The following ADGB variants were observed in gnomAD, a reference collection of about 807,000 sequenced individuals.
ADGB encodes calpain-7-like protein.
In ADGB, 172 loss-of-function variants were observed where a neutral mutation model predicts 210.5. The observed-to-expected ratio is 0.82, with a 90% CI of 0.72 to 0.93. The LOEUF is 0.93. Among genes scored for constraint, ADGB ranks in the 40% least tolerant of loss-of-function variants. The pLI is 0.00. For missense variants in ADGB, 2,025 were observed against 1,964.8 expected (o/e 1.03, Z -0.58); for synonymous variants, 658 against 662.7 (o/e 0.99, Z 0.11).
intron 10 of ADGB, among the ~76,000 whole-genome samples, chr6:146,686,101 A>G (rs1374362179): frequency 3.3e-5 from 5 of 152,096 alleles, no homozygotes; most frequent in African/African-American, 9.7e-5. Context: ...TCCTTCTGTT[A>G]TAATCAAAAA....
In ADGB at chr6:146,671,609, AT is replaced by A. The variant is rs1314413612; in HGVS notation, c.840-608del. ...AACTAATGATTTAGAGGTGACACACATTTATGGATAAACTCAAAATATGAGG... is the reference window on the plus strand; with the variant it reads ...AACTAATGATTTAGAGGTGACACACATTATGGATAAACTCAAAATATGAGG... On this transcript the variant is annotated intron_variant, in intron 7 of 35. Coordinates refer to ENST00000397944, the MANE Select transcript of ADGB (RefSeq NM_024694.4). Among the ~76,000 whole-genome samples, 4 of 152,318 alleles carry A rather than the reference AT, an allele frequency of 2.6e-5. No individual in the cohort carries two copies. The East Asian group carries it at 7.7e-4, about 29-fold the overall frequency.
At position 146,652,110 on chromosome 6, in the gene ADGB, C is replaced by T. The variant is rs571484483; in HGVS notation, c.331-2025C>T. On this transcript the variant is annotated intron_variant, in intron 3 of 35. Transcript: ENST00000397944. The stretch of plus-strand genomic sequence containing the variant: ...CTGAAGATTTATCCTGTCCCGGGTA[C>T]AGGTATAGGCAGTAAAAGTGTGAAA... Among the ~76,000 whole-genome samples, 5 of 152,228 alleles carry T rather than the reference C, an allele frequency of 3.3e-5. No individual in the cohort carries two copies. In the East Asian group the frequency reaches 7.7e-4, roughly 24 times the overall value.
chr6:146,716,816 C>A, intron 14 of ADGB, 67 bp from the exon 15 acceptor site: 2 of 1,378,604 alleles, frequency 1.5e-6, no homozygotes, highest in Non-Finnish European at 1.9e-6. Flanking sequence ...TTCCCTTTAT[C>A]ATTTTACATA....
intron 1 of ADGB, among the ~76,000 whole-genome samples, chr6:146,599,322 C>G (rs59653284): frequency 6.6e-6 from 1 of 152,194 alleles, no homozygotes; most frequent in Non-Finnish European, 1.5e-5. Flanking sequence ...TTTCCCAGAG[C>G]CCCTGATTTT....
intron 33 of ADGB, among the ~76,000 whole-genome samples, chr6:146,797,246 G>T (rs1397753962): frequency 6.6e-6 from 1 of 152,170 alleles, no homozygotes; most frequent in Non-Finnish European, 1.5e-5. Flanking sequence ...TATACTGCTG[G>T]TAGGAATGTA....
rs1320236486 is a variant in ADGB, at chr6:146,716,882, G to A, written c.1742-1G>A. ...ATGTGTTTGACATGTGTGTCTTCTAGGCACAGATGAACAAACAGACTTTGG... is the reference window on the plus strand; with the variant it reads ...ATGTGTTTGACATGTGTGTCTTCTAAGCACAGATGAACAAACAGACTTTGG... On this transcript the variant is annotated splice_acceptor_variant, in intron 14 of 35. Transcript: ENST00000397944. LOFTEE classifies it high-confidence loss of function. 6.5e-7 allele frequency: 1 copy of A among 1,545,650 alleles called. No homozygotes were observed. The highest frequency in any genetic ancestry group is 1.2e-5 in the South Asian group (1 of 82,950).
chr6:146,687,525 T>C (rs1325119178), intron 10 of ADGB, among the ~76,000 whole-genome samples: 1 of 152,058 alleles, frequency 6.6e-6, no homozygotes, highest in African/African-American at 2.4e-5. Context: ...GCCATTATCC[T>C]CAGCAAACTA....
intron 1 of ADGB, among the ~76,000 whole-genome samples, chr6:146,600,520 C>T (rs368780787): frequency 1.6e-4 from 25 of 152,290 alleles, no homozygotes; most frequent in African/African-American, 5.8e-4. Flanking sequence ...CTCTCCCTTC[C>T]TTCAGGAGTT....
chr6:146,637,957 T>C (rs1438345351), intron 2 of ADGB, among the ~76,000 whole-genome samples: 1 of 151,922 alleles, frequency 6.6e-6, no homozygotes, highest in Non-Finnish European at 1.5e-5. Flanking sequence ...CAGGCCACTA[T>C]CATCGATGAA....
At chr6:146,706,895 T>A (rs1373989398) in intron 13 of ADGB, among the ~76,000 whole-genome samples, 1 of 151,468 alleles carries the variant, frequency 6.6e-6, no homozygotes, top group East Asian at 1.9e-4. Context: ...CTGAGATTTA[T>A]TATTTCCTTT....
chr6:146,790,465 T>G (rs937505067), intron 33 of ADGB, among the ~76,000 whole-genome samples: 3 of 152,182 alleles, frequency 2.0e-5, no homozygotes, highest in Admixed American at 2.0e-4. Flanking sequence ...GTGGCTGGCT[T>G]TTTTACTTAG....
intron 27 of ADGB, among the ~76,000 whole-genome samples, chr6:146,755,197 C>T (rs1562293052): frequency 6.6e-6 from 1 of 151,942 alleles, no homozygotes; most frequent in Non-Finnish European, 1.5e-5. Flanking sequence ...CTATTATTTG[C>T]CTGTTGATAC....
At chr6:146,679,837 G>A (rs928904166) in intron 9 of ADGB, among the ~76,000 whole-genome samples, 3 of 152,016 alleles carry the variant, frequency 2.0e-5, no homozygotes, top group Non-Finnish European at 4.4e-5. Flanking sequence ...AGTTCTATAA[G>A]AATGAATAAA....
chr6:146,665,660 G>A (rs1375817655), intron 6 of ADGB, among the ~76,000 whole-genome samples: 1 of 151,980 alleles, frequency 6.6e-6, no homozygotes, highest in Non-Finnish European at 1.5e-5. Context: ...ATAAGTATTA[G>A]GGTTATTATT....
In ADGB at chr6:146,800,929, T is replaced by A. The variant is rs531712929; in HGVS notation, c.4538-254T>A. 2.8e-4 allele frequency among the ~76,000 whole-genome samples: 43 copies of A among 152,212 alleles called. No individual in the cohort carries two copies. The South Asian group carries it at 7.9e-3, about 28-fold the overall frequency. ...CTCCTCCATTTAACTGTGATTAGAA[T>A]AGCATTTTTTAAATTTTTCATTTTT... On this transcript the variant is annotated intron_variant, in intron 33 of 35. Coordinates refer to ENST00000397944, the MANE Select transcript of ADGB (RefSeq NM_024694.4).
At chr6:146,624,047 G>A (rs2114846639) in intron 1 of ADGB, among the ~76,000 whole-genome samples, 1 of 151,816 alleles carries the variant, frequency 6.6e-6, no homozygotes, top group Admixed American at 6.6e-5. Flanking sequence ...TTATTTTGAT[G>A]TCTTGTCTGG....
chr6:146,634,724 A>G (rs1775377974), intron 1 of ADGB, among the ~76,000 whole-genome samples: 1 of 152,090 alleles, frequency 6.6e-6, no homozygotes, highest in Admixed American at 6.6e-5. Flanking sequence ...TCGTAACAAA[A>G]TAATGTGAAT....
chr6:146,625,868 A>G (rs1445485739), intron 1 of ADGB, among the ~76,000 whole-genome samples: 1 of 152,044 alleles, frequency 6.6e-6, no homozygotes, highest in Non-Finnish European at 1.5e-5. Context: ...TTTTTAATCA[A>G]TTTGACATTC....
intron 22 of ADGB, 109 bp from the exon 23 acceptor site, chr6:146,736,389 C>A: frequency 2.9e-6 from 2 of 678,746 alleles, no homozygotes; most frequent in Non-Finnish European, 4.7e-6. Flanking sequence ...CTTTGAATAC[C>A]ATCTTACTTG....
Sources: allele counts gnomAD v4.1 joint callset (sites outside exome capture counted in the v4.1 genomes callset), GRCh38; gene constraint gnomAD v4.1.1; transcripts MANE v1.5; gene names NCBI Gene and HGNC (gene_info 2026-07-23, HGNC 2026-07-21).